Variants in STK24 observed in about 807,000 individuals in gnomAD.
STK24 encodes the protein serine/threonine-protein kinase 24.
STK24 carries 21 observed loss-of-function variants against 55.6 expected under a neutral mutation model. That is an observed-to-expected ratio of 0.38 (90% confidence interval 0.27 to 0.54). The LOEUF (loss-of-function observed/expected upper bound fraction) is 0.54. Among genes scored for constraint, STK24 ranks in the 20% least tolerant of loss-of-function variants. STK24 has a pLI of 0.79. For synonymous variants in STK24, 200 were observed against 215.2 expected (o/e 0.93, Z 0.62); for missense variants, 383 against 538.4 (o/e 0.71, Z 2.86).
At chr13:98,471,902 G>A (rs935514069) in intron 5 of STK24, among the ~76,000 whole-genome samples, 16 of 152,186 alleles carry the variant, frequency 1.1e-4, no homozygotes, top group African/African-American at 3.9e-4. Flanking sequence ...CCCAATAGCT[G>A]GAAGGTCTTT....
At chr13:98,541,079 G>C (rs1206266652) in intron 1 of STK24, among the ~76,000 whole-genome samples, 1 of 152,206 alleles carries the variant, frequency 6.6e-6, no homozygotes, top group Admixed American at 6.5e-5. Context: ...AGGCTCCAGA[G>C]GAAGGTCTTC....
At chr13:98,503,041 T>TTTTTTTTTTTTTA (rs1555306354) in intron 2 of STK24, among the ~76,000 whole-genome samples, 1 of 148,716 alleles carries the variant, frequency 6.7e-6, no homozygotes. Flanking sequence ...TTTTTTTTTT[T>TTTTTTTTTTTTTA]CAGTATGGTA....
chr13:98,472,795 T>G (rs1189389163), intron 5 of STK24, among the ~76,000 whole-genome samples: 1 of 152,108 alleles, frequency 6.6e-6, no homozygotes, highest in Admixed American at 6.5e-5. Context: ...TGACCTTGGG[T>G]AAGTTTTAAA....
intron 1 of STK24, among the ~76,000 whole-genome samples, chr13:98,560,833 A>C (rs1212460232): frequency 1.3e-5 from 2 of 151,746 alleles, no homozygotes; most frequent in Non-Finnish European, 2.9e-5. Flanking sequence ...GTGAGCCGAG[A>C]TCACGCCACT....
At chr13:98,463,586 A>C in intron 7 of STK24, 105 bp downstream of exon 7, 2 of 346,086 alleles carry the variant, frequency 5.8e-6, no homozygotes, top group East Asian at 2.4e-4. Flanking sequence ...GGATTGTCTA[A>C]AAAAAAAAAA....
intron 1 of STK24, among the ~76,000 whole-genome samples, chr13:98,555,895 G>C (rs1897277991): frequency 6.6e-6 from 1 of 151,416 alleles, no homozygotes; most frequent in South Asian, 2.1e-4. Flanking sequence ...TGTTAGCCAG[G>C]ATGGTCTCAA....
chr13:98,571,802 G>A (rs1268735762), intron 1 of STK24, among the ~76,000 whole-genome samples: 1 of 152,112 alleles, frequency 6.6e-6, no homozygotes, highest in Non-Finnish European at 1.5e-5. Context: ...ACGAAGCTGA[G>A]TGAATGCTAA....
At chr13:98,536,324 G>T (rs1896734742) in intron 1 of STK24, among the ~76,000 whole-genome samples, 1 of 151,926 alleles carries the variant, frequency 6.6e-6, no homozygotes, top group Non-Finnish European at 1.5e-5. Context: ...TAGGCTTTGG[G>T]GACTAAATTG....
At chr13:98,518,297 C>T (rs1384745321) in intron 2 of STK24, among the ~76,000 whole-genome samples, 2 of 152,220 alleles carry the variant, frequency 1.3e-5, no homozygotes, top group African/African-American at 4.8e-5. Context: ...CTACACGCTC[C>T]CTTCTCACAT....
chr13:98,453,244 G>A, intron 10 of STK24, 35 bp from the exon 11 acceptor site: 6 of 1,604,826 alleles, frequency 3.7e-6, no homozygotes, highest in Non-Finnish European at 5.1e-6. Flanking sequence ...GTCAACACAT[G>A]TCATTTCTCA....
At chr13:98,499,021 T>G (rs368502586) in intron 2 of STK24, among the ~76,000 whole-genome samples, 4 of 152,018 alleles carry the variant, frequency 2.6e-5, no homozygotes, top group African/African-American at 7.2e-5. Context: ...CTGAAGCGGG[T>G]GGATCACTTG....
rs568628960 is a variant in STK24, at chr13:98,522,772, C to T, written c.43-3299G>A. 3.3e-5 allele frequency among the ~76,000 whole-genome samples: 5 copies of T among 152,326 alleles called. No homozygotes were observed. In the South Asian group the frequency reaches 1.0e-3, roughly 32 times the overall value. On this transcript the variant is annotated intron_variant, in intron 1 of 10. Coordinates refer to ENST00000539966, the MANE Select transcript of STK24 (RefSeq NM_001032296.4). ...CCCAGGTATGATAAGTGGCATGGGA[C>T]TGTGGTCAGTAAACATCCCCTGAGC...
intron 3 of STK24, among the ~76,000 whole-genome samples, chr13:98,477,413 T>C (rs1894418156): frequency 6.6e-6 from 1 of 152,152 alleles, no homozygotes. Context: ...GGCTCATGCC[T>C]GTAATCCCAG....
At chr13:98,479,506 C>T (rs1204044054) in intron 3 of STK24, among the ~76,000 whole-genome samples, 4 of 152,180 alleles carry the variant, frequency 2.6e-5, no homozygotes, top group Non-Finnish European at 5.9e-5. Flanking sequence ...CTGAGGGATG[C>T]CCATGCCCAA....
chr13:98,542,135 G>A (rs752524875), intron 1 of STK24, among the ~76,000 whole-genome samples: 3 of 152,090 alleles, frequency 2.0e-5, no homozygotes, highest in South Asian at 2.1e-4. Flanking sequence ...ACAAGACTGC[G>A]TTATTTTCTG....
At chr13:98,463,055 C>G (rs1893779908) in intron 7 of STK24, among the ~76,000 whole-genome samples, 1 of 152,168 alleles carries the variant, frequency 6.6e-6, no homozygotes, top group Non-Finnish European at 1.5e-5. Flanking sequence ...CCCCGGAAAT[C>G]CTCATTCAAC....
At chr13:98,480,825 G>A (rs1308580604) in intron 3 of STK24, among the ~76,000 whole-genome samples, 1 of 152,256 alleles carries the variant, frequency 6.6e-6, no homozygotes, top group Non-Finnish European at 1.5e-5. Flanking sequence ...CTGGGCTCAA[G>A]TGATCCTCCC....
At chr13:98,535,080 G>A (rs1482494071) in intron 1 of STK24, among the ~76,000 whole-genome samples, 1 of 152,204 alleles carries the variant, frequency 6.6e-6, no homozygotes, top group African/African-American at 2.4e-5. Flanking sequence ...CAGGCGTGGT[G>A]GCTCACGCCT....
chr13:98,512,315 G>A (rs1229737656), intron 2 of STK24, among the ~76,000 whole-genome samples: 1 of 152,162 alleles, frequency 6.6e-6, no homozygotes, highest in Non-Finnish European at 1.5e-5. Context: ...ATAGGTCGAT[G>A]ATGATGGTGC....
Sources: allele counts gnomAD v4.1 joint callset (sites outside exome capture counted in the v4.1 genomes callset), GRCh38; gene constraint gnomAD v4.1.1; transcripts MANE v1.5; gene names NCBI Gene and HGNC (gene_info 2026-07-23, HGNC 2026-07-21).